The following TEC variants were observed in gnomAD, a reference collection of about 807,000 sequenced individuals.
The protein encoded by TEC is tec protein tyrosine kinase.
TEC carries 72 observed loss-of-function variants against 93.0 expected under a neutral mutation model. The ratio of observed to expected loss-of-function variants is 0.77; its 90% CI spans 0.64 to 0.94. TEC has a LOEUF of 0.94. Ranked by LOEUF, TEC falls within the 40% of genes least tolerant of loss-of-function variation. TEC has a pLI of 0.00. For missense variants in TEC, 630 were observed against 757.9 expected (o/e 0.83, Z 1.98); for synonymous variants, 249 against 247.7 (o/e 1.01, Z -0.05).
chr4:48,250,905 A>G (rs1017864325), intron 1 of TEC, among the ~76,000 whole-genome samples: 1 of 152,194 alleles, frequency 6.6e-6, no homozygotes, highest in Non-Finnish European at 1.5e-5. Flanking sequence ...TATGCTGCTG[A>G]ATTTATGGGA....
At chr4:48,191,441 A>T (rs1049093747) in intron 2 of TEC, among the ~76,000 whole-genome samples, 7 of 152,284 alleles carry the variant, frequency 4.6e-5, no homozygotes, top group Non-Finnish European at 5.9e-5. Flanking sequence ...TTGTTTCATT[A>T]GGTAACATAC....
intron 1 of TEC, among the ~76,000 whole-genome samples, chr4:48,235,461 C>A (rs1577662493): frequency 1.3e-5 from 2 of 152,294 alleles, no homozygotes; most frequent in African/African-American, 4.8e-5. Context: ...TTCTACTCTT[C>A]TACCCTAAAT....
Position 48,167,387 on chromosome 4 carries a change from C to T in TEC, c.671+391G>A, listed in dbSNP as rs539660838. On this transcript the variant is annotated intron_variant, in intron 7 of 17. Coordinates refer to ENST00000381501, the MANE Select transcript of TEC (RefSeq NM_003215.3). ...CTGTGTATGTGTATGCATACACACACGCACATACACATACGTATATATAGA... is the reference window on the plus strand; with the variant it reads ...CTGTGTATGTGTATGCATACACACATGCACATACACATACGTATATATAGA... Among the ~76,000 whole-genome samples the T allele has an allele frequency of 7.9e-5, 12 of 152,026 alleles. No homozygotes were observed. The South Asian group carries it at 8.3e-4, about 11-fold the overall frequency.
In TEC at chr4:48,137,320, A is replaced by G; in HGVS notation, c.*96T>C. 2.1e-6 allele frequency: 2 copies of G among 945,060 alleles called. No individual in the cohort carries two copies. Among genetic ancestry groups the G allele is most frequent in the East Asian group, 2.5e-5 (1 of 40,252 alleles). 58.5% of individuals were successfully genotyped at this position (945,060 alleles called of 1,614,324 possible). On this transcript the variant is annotated 3_prime_UTR_variant, in exon 18 of 18. Coordinates refer to ENST00000381501, the MANE Select transcript of TEC (RefSeq NM_003215.3). ...TATGTGTTTCCACTGTATAAGTAAA[A>G]TGATCTACATGTCCAAGTGCTCAAT...
At chr4:48,267,252 A>G (rs925617401) in intron 1 of TEC, among the ~76,000 whole-genome samples, 12 of 151,670 alleles carry the variant, frequency 7.9e-5, no homozygotes, top group African/African-American at 2.9e-4. Context: ...TTGTTTCTCT[A>G]AACAAAAGAG....
At chr4:48,187,497 A>C (rs1016871505) in intron 2 of TEC, among the ~76,000 whole-genome samples, 5 of 152,018 alleles carry the variant, frequency 3.3e-5, no homozygotes, top group Admixed American at 2.6e-4. Context: ...CAGAATCTTC[A>C]TATAAGATCG....
intron 5 of TEC, among the ~76,000 whole-genome samples, chr4:48,168,952 G>A (rs1720989569): frequency 6.6e-6 from 1 of 152,162 alleles, no homozygotes; most frequent in Non-Finnish European, 1.5e-5. Flanking sequence ...TGACAACACT[G>A]AGAAATTAAT....
intron 2 of TEC, among the ~76,000 whole-genome samples, chr4:48,178,505 A>C (rs920804235): frequency 1.3e-5 from 2 of 152,192 alleles, no homozygotes; most frequent in Non-Finnish European, 2.9e-5. Context: ...CTCATTTTAC[A>C]GATGAGGAAA....
At chr4:48,268,420 G>A (rs1724695476) in intron 1 of TEC, among the ~76,000 whole-genome samples, 1 of 152,242 alleles carries the variant, frequency 6.6e-6, no homozygotes, top group Non-Finnish European at 1.5e-5. Flanking sequence ...TGGCAAGAGT[G>A]TAATATATGG....
intron 1 of TEC, among the ~76,000 whole-genome samples, chr4:48,244,795 T>G (rs948777265): frequency 7.2e-5 from 11 of 152,154 alleles, no homozygotes; most frequent in African/African-American, 2.7e-4. Context: ...GCAACATCCT[T>G]CTTCTCAAAT....
chr4:48,258,383 T>C (rs1472970), intron 1 of TEC, among the ~76,000 whole-genome samples: 17,088 of 152,054 alleles, frequency 0.11, 1,149 homozygotes, highest in East Asian at 0.24. Context: ...CCTCAAGTGA[T>C]CCGCCCACCT....
intron 1 of TEC, among the ~76,000 whole-genome samples, chr4:48,236,250 T>A (rs2664024): frequency 6.6e-6 from 1 of 151,930 alleles, no homozygotes; most frequent in African/African-American, 2.4e-5. Flanking sequence ...CAGCTTTCTC[T>A]CCTAGCCGTT....
At chr4:48,235,005 G>A (rs1226647312) in intron 1 of TEC, among the ~76,000 whole-genome samples, 1 of 152,026 alleles carries the variant, frequency 6.6e-6, no homozygotes, top group Non-Finnish European at 1.5e-5. Flanking sequence ...AAAATAGAAT[G>A]AGAGCTCCCA....
In TEC at chr4:48,137,476, G is replaced by A. The variant is rs552094470; in HGVS notation, c.1836C>T (p.Phe612=). The change falls in exon 18 of 18, where the codon TTC becomes TTT. Residue 612 remains phenylalanine, a synonymous_variant. Transcript: ENST00000381501. ...WQEKPEGRPS[F]EDLLRTIDEL... The stretch of plus-strand genomic sequence containing the variant: ...CATCTATTGTGCGCAGCAGATCTTC[G>A]AAAGAAGGCCTTCCCTCTGGTTTCT... 3.2e-5 allele frequency: 51 copies of A among 1,614,014 alleles called. 1 individual carries two copies. In the South Asian group the frequency reaches 4.4e-4, roughly 14 times the overall value.
At chr4:48,242,891 G>A (rs4695363) in intron 1 of TEC, among the ~76,000 whole-genome samples, 50,643 of 152,000 alleles carry the variant, frequency 0.33, 8,693 homozygotes, top group Middle Eastern at 0.41. Context: ...CAAAGCAACT[G>A]AGGACCAAAC....
Position 48,228,475 on chromosome 4 carries a change from A to G in TEC, c.138+2T>C. 1 of 1,592,470 alleles carries G rather than the reference A, an allele frequency of 6.3e-7. No individual in the cohort carries two copies. The highest frequency in any genetic ancestry group is 2.3e-5 in the East Asian group (1 of 44,030). ...GAAAAGTAAATCGTGATTGTCTCTTACCTCTGCTCGACCCTCATAGTAGGT... is the reference window on the plus strand; with the variant it reads ...GAAAAGTAAATCGTGATTGTCTCTTGCCTCTGCTCGACCCTCATAGTAGGT... On this transcript the variant is annotated splice_donor_variant, in intron 2 of 17. Transcript: ENST00000381501. LOFTEE classifies it high-confidence loss of function.
At chr4:48,159,817 A>C (rs931442614) in intron 8 of TEC, among the ~76,000 whole-genome samples, 1 of 152,194 alleles carries the variant, frequency 6.6e-6, no homozygotes, top group Admixed American at 6.5e-5. Context: ...TATTGGGATT[A>C]CAGGTGTGAG....
chr4:48,147,945 C>A (rs1719988021), intron 11 of TEC, among the ~76,000 whole-genome samples: 1 of 152,130 alleles, frequency 6.6e-6, no homozygotes, highest in Non-Finnish European at 1.5e-5. Context: ...TACAACATGA[C>A]AATGTCAAAA....
intron 9 of TEC, among the ~76,000 whole-genome samples, chr4:48,154,350 T>G (rs1720309914): frequency 6.6e-6 from 1 of 152,236 alleles, no homozygotes; most frequent in Non-Finnish European, 1.5e-5. Flanking sequence ...ATAAAACTGC[T>G]GCTTCTGTGA....
Sources: allele counts gnomAD v4.1 joint callset (sites outside exome capture counted in the v4.1 genomes callset), GRCh38; gene constraint gnomAD v4.1.1; transcripts MANE v1.5; gene names NCBI Gene and HGNC (gene_info 2026-07-23, HGNC 2026-07-21).